The following PTPRQ variants were observed in gnomAD, a reference collection of about 807,000 sequenced individuals.
PTPRQ encodes the protein protein tyrosine phosphatase receptor type Q.
Under a neutral mutation model 246.0 loss-of-function variants are expected in PTPRQ, and 199 were observed. The ratio of observed to expected loss-of-function variants is 0.81; its 90% confidence interval spans 0.72 to 0.91. The LOEUF is 0.91. PTPRQ is among the 40% of genes least tolerant of loss of function. PTPRQ has a pLI of 0.00. For synonymous variants in PTPRQ, 869 were observed against 853.2 expected (o/e 1.02, Z -0.32); for missense variants, 2,624 against 2,528.4 (o/e 1.04, Z -0.81).
At chr12:80,566,225 C>G (rs1354686449) in intron 25 of PTPRQ, among the ~76,000 whole-genome samples, 1 of 152,104 alleles carries the variant, frequency 6.6e-6, no homozygotes, top group African/African-American at 2.4e-5. Context: ...TGCCTGTAAT[C>G]CCAGCACTTT....
In PTPRQ at chr12:80,625,341, C is replaced by G. The variant is rs1592731161; in HGVS notation, c.5686+3207C>G. On this transcript the variant is annotated intron_variant, in intron 33 of 44. Coordinates refer to ENST00000644991, the MANE Select transcript of PTPRQ (RefSeq NM_001145026.2). ...TATGTGTGCATGTAATCCCAGACTACAGAGAGAAGTCTAGGTCCCATCAAG... is the reference window on the plus strand; with the variant it reads ...TATGTGTGCATGTAATCCCAGACTAGAGAGAGAAGTCTAGGTCCCATCAAG... 4.0e-5 allele frequency among the ~76,000 whole-genome samples: 6 copies of G among 151,804 alleles called. 1 individual carries two copies. The highest frequency in any genetic ancestry group is 1.5e-4 in the African/African-American group (6 of 41,344).
At chr12:80,640,928 A>G (rs1029534195) in intron 35 of PTPRQ, among the ~76,000 whole-genome samples, 3 of 152,176 alleles carry the variant, frequency 2.0e-5, no homozygotes, top group Admixed American at 6.5e-5. Flanking sequence ...AGATTCCTGT[A>G]CAGGCTTCTC....
At chr12:80,513,695 C>A (rs1284705156) in intron 17 of PTPRQ, among the ~76,000 whole-genome samples, 1 of 152,120 alleles carries the variant, frequency 6.6e-6, no homozygotes, top group South Asian at 2.1e-4. Flanking sequence ...ATATCAATAT[C>A]GTGAGAAACG....
rs145765830 is a variant in PTPRQ at position 80,543,302 on chromosome 12, A to G, written c.3873+421A>G. On this transcript the variant is annotated intron_variant, in intron 23 of 44. Transcript: ENST00000644991. ...TGGTCATCTTTCCAGATAGCATATG[A>G]TCCTACACTAATTGGTCTTTTACGA... Among the ~76,000 whole-genome samples, 588 of 151,596 alleles carry G rather than the reference A, an allele frequency of 3.9e-3. 5 individuals are homozygous for G. Among genetic ancestry groups the G allele is most frequent in the African/African-American group, 0.013 (549 of 41,376 alleles).
At chr12:80,647,048 T>C (rs746716017) in intron 35 of PTPRQ, among the ~76,000 whole-genome samples, 1 of 152,174 alleles carries the variant, frequency 6.6e-6, no homozygotes, top group Non-Finnish European at 1.5e-5. Flanking sequence ...AATGGTTTAT[T>C]GACATTTTCC....
intron 25 of PTPRQ, among the ~76,000 whole-genome samples, chr12:80,555,864 A>G (rs1254847321): frequency 6.6e-6 from 1 of 152,108 alleles, no homozygotes; most frequent in Non-Finnish European, 1.5e-5. Context: ...ACTGCTTGCT[A>G]TGTTCAGGTT....
intron 27 of PTPRQ, among the ~76,000 whole-genome samples, chr12:80,605,749 TA>T (rs1007853610): frequency 6.6e-6 from 1 of 150,534 alleles, no homozygotes; most frequent in Non-Finnish European, 1.5e-5. Context: ...GCTATAGCAT[TA>T]AAAAAAATAA....
intron 26 of PTPRQ, among the ~76,000 whole-genome samples, chr12:80,595,454 T>G (rs1897938308): frequency 6.6e-6 from 1 of 152,100 alleles, no homozygotes; most frequent in East Asian, 1.9e-4. Flanking sequence ...TTTGGTCTAA[T>G]GCTTGTCTTT....
chr12:80,558,164 T>TTTTCTTTTCTTTTCTTTTCTTTTCTTTTC (rs1896714035), intron 25 of PTPRQ, among the ~76,000 whole-genome samples: 1 of 125,814 alleles, frequency 7.9e-6, no homozygotes, highest in Non-Finnish European at 1.6e-5. Context: ...TTTTCTTTTC[T>TTTTCTTTTCTTTTCTTTTCTTTTCTTTTC]TTTCTTTCTT....
At chr12:80,655,746 C>T (rs1037088945) in intron 38 of PTPRQ, among the ~76,000 whole-genome samples, 19 of 152,088 alleles carry the variant, frequency 1.2e-4, no homozygotes, top group African/African-American at 4.6e-4. Flanking sequence ...ATTTTCCCTG[C>T]AGAGATTGAT....
In PTPRQ at chr12:80,495,389, G is replaced by GTTA; in HGVS notation, c.1882+20_1882+21insATT. The GTTA allele has an allele frequency of 6.8e-7, 1 of 1,475,752 alleles. No homozygotes were observed. Among genetic ancestry groups the GTTA allele is most frequent in the Admixed American group, 2.8e-5 (1 of 36,196 alleles). The allele number at this position is 1,475,752 out of a possible 1,614,324, so 91.4% of individuals were successfully genotyped here. On this transcript the variant is annotated intron_variant, in intron 12 of 44. Transcript: ENST00000644991. ...CATAACAGGTAGAAAACAATGTTTT[G>GTTA]TTGTTGTTGTTGTTGTTCATTTTAC...
intron 16 of PTPRQ, among the ~76,000 whole-genome samples, chr12:80,508,781 T>C (rs1164820651): frequency 6.6e-6 from 1 of 152,090 alleles, no homozygotes; most frequent in African/African-American, 2.4e-5. Context: ...GTTAATTACG[T>C]TTACTTAGCA....
intron 20 of PTPRQ, 58 bp from the exon 21 acceptor site, chr12:80,541,497 T>A: frequency 7.6e-7 from 1 of 1,313,542 alleles, no homozygotes; most frequent in Non-Finnish European, 9.8e-7. Flanking sequence ...AGTTTGTGAA[T>A]TTAGATTCTG....
At chr12:80,666,615 C>A (rs1255456173) in intron 39 of PTPRQ, among the ~76,000 whole-genome samples, 1 of 151,888 alleles carries the variant, frequency 6.6e-6, no homozygotes. Context: ...GTGCTCATTA[C>A]CCTGACTTGA....
chr12:80,545,981 T>C (rs13377666), intron 23 of PTPRQ, among the ~76,000 whole-genome samples: 8,994 of 151,876 alleles, frequency 0.059, 669 homozygotes, highest in African/African-American at 0.17. Context: ...AGTATATAAT[T>C]CCAAGTAAAA....
intron 25 of PTPRQ, among the ~76,000 whole-genome samples, chr12:80,556,426 C>T (rs1447230037): frequency 6.6e-6 from 1 of 152,042 alleles, no homozygotes; most frequent in Admixed American, 6.6e-5. Context: ...TTGATAGTTT[C>T]AAAATTGCTT....
chr12:80,629,152 GCACA>G (rs35680769), intron 33 of PTPRQ, among the ~76,000 whole-genome samples: 251 of 146,174 alleles, frequency 1.7e-3, no homozygotes, highest in Non-Finnish European at 1.9e-3. Flanking sequence ...GGAGTGAGTG[GCACA>G]CACACACACA....
intron 25 of PTPRQ, among the ~76,000 whole-genome samples, chr12:80,562,133 T>C (rs905834147): frequency 6.6e-6 from 1 of 152,210 alleles, no homozygotes; most frequent in Non-Finnish European, 1.5e-5. Context: ...GGCCATGATA[T>C]GCATATTCCT....
At chr12:80,630,772 A>G (rs916083894) in intron 33 of PTPRQ, among the ~76,000 whole-genome samples, 3 of 152,142 alleles carry the variant, frequency 2.0e-5, no homozygotes, top group Admixed American at 6.5e-5. Flanking sequence ...GCTGGAGTGC[A>G]GTGGCACGAT....
Sources: allele counts gnomAD v4.1 joint callset (sites outside exome capture counted in the v4.1 genomes callset), GRCh38; gene constraint gnomAD v4.1.1; transcripts MANE v1.5; gene names NCBI Gene and HGNC (gene_info 2026-07-23, HGNC 2026-07-21).